The following LRP8 variants were observed in gnomAD, a reference collection of about 807,000 sequenced individuals.
The protein encoded by LRP8 is LDL receptor related protein 8, also known as low-density lipoprotein receptor-related protein 8.
In LRP8, 46 loss-of-function variants were observed where a neutral mutation model predicts 111.6. That is an observed-to-expected ratio of 0.41 (90% CI 0.33 to 0.53). The LOEUF (loss-of-function observed/expected upper bound fraction) is 0.53, where lower values mean the gene tolerates loss of function less well. Ranked by LOEUF, LRP8 falls within the 20% of genes least tolerant of loss-of-function variation. The probability of loss-of-function intolerance (pLI) is 0.20; values close to 1 mark genes in which losing one functional copy is unlikely to be tolerated. For synonymous variants in LRP8, 464 were observed against 511.2 expected, an observed-to-expected ratio of 0.91 and a Z score of 1.24; for missense variants, 959 against 1,297.4, an observed-to-expected ratio of 0.74 and a Z score of 4.01.
intron 18 of LRP8, among the ~76,000 whole-genome samples, chr1:53,248,165 A>G (rs1025757159): frequency 1.3e-5 from 2 of 152,246 alleles, no homozygotes; most frequent in African/African-American, 4.8e-5. Flanking sequence ...AACATAAAAT[A>G]GAATCAGACT....
In LRP8 at chr1:53,271,167, C is replaced by T. The variant is rs768595956; in HGVS notation, c.1127-14G>A. 2.1e-5 allele frequency: 34 copies of T among 1,613,838 alleles called. No homozygotes were observed. Among genetic ancestry groups the T allele is most frequent in the Admixed American group, 2.0e-4 (12 of 59,982 alleles). ...ACTCATCAATGTCTGTGGGGAGGAGCAGGAGTCAGAACCAGCAGGAGGATC... is the reference window on the plus strand; with the variant it reads ...ACTCATCAATGTCTGTGGGGAGGAGTAGGAGTCAGAACCAGCAGGAGGATC... On this transcript the variant is annotated splice_polypyrimidine_tract_variant and intron_variant, in intron 7 of 18. Transcript: ENST00000306052.
Position 53,244,681 on chromosome 1 carries a change from C to G in LRP8, c.*2337G>C, listed in dbSNP as rs1407383080. On this transcript the variant is annotated 3_prime_UTR_variant, in exon 19 of 19. Transcript: ENST00000306052. ...TCAGGCTGTATGTCCAGACCCCATTCATCATTTTTTTCTGTGAATGCCAGG... is the reference window on the plus strand; with the variant it reads ...TCAGGCTGTATGTCCAGACCCCATTGATCATTTTTTTCTGTGAATGCCAGG... 1 of 152,192 alleles carries G rather than the reference C, an allele frequency of 6.6e-6. No homozygotes were observed. Among genetic ancestry groups the G allele is most frequent in the East Asian group, 1.9e-4 (1 of 5,196 alleles). 9.4% of individuals were successfully genotyped at this position (152,192 alleles called of 1,614,324 possible). A position where few individuals can be genotyped will look rare whatever the true frequency, so the allele number is the denominator to read the frequency against.
At chr1:53,255,080 C>T (rs1464105466) in intron 16 of LRP8, 37 bp downstream of exon 16, 1 of 1,608,288 alleles carries the variant, frequency 6.2e-7, no homozygotes, top group Non-Finnish European at 8.5e-7. Context: ...TAAGCAGGGT[C>T]TCTCTTTTCT....
At chr1:53,291,766 AT>A (rs1648813874) in intron 2 of LRP8, 1 of 152,236 alleles carries the variant, frequency 6.6e-6, no homozygotes, top group Admixed American at 6.5e-5. Flanking sequence ...AGTCAGAGAC[AT>A]TAGATAAATG....
chr1:53,263,960 G>A lies in LRP8; in HGVS notation c.1655+209C>T, dbSNP rs59349682. On this transcript the variant is annotated intron_variant, in intron 10 of 18. Coordinates refer to ENST00000306052, the MANE Select transcript of LRP8 (RefSeq NM_004631.5). ...CTGCTCTGAGACACTCCAATTCTAC[G>A]ATATAACGAGTGGGTGGGAGAGTCC... 2.7e-3 allele frequency among the ~76,000 whole-genome samples: 406 copies of A among 152,258 alleles called. 3 individuals carry two copies. Among genetic ancestry groups the A allele is most frequent in the African/African-American group, 9.4e-3 (390 of 41,538 alleles).
intron 2 of LRP8, among the ~76,000 whole-genome samples, chr1:53,304,368 C>T (rs988519783): frequency 2.0e-5 from 3 of 152,182 alleles, no homozygotes; most frequent in South Asian, 4.1e-4. Context: ...CACTGGACTG[C>T]TTGGCAAATG....
At chr1:53,302,891 A>C (rs1651245119) in intron 2 of LRP8, among the ~76,000 whole-genome samples, 1 of 113,588 alleles carries the variant, frequency 8.8e-6, no homozygotes, top group Admixed American at 1.1e-4. Context: ...TTGTAGAGAC[A>C]GTTTCATCAT....
At chr1:53,289,015 T>C (rs1000161433) in intron 3 of LRP8, among the ~76,000 whole-genome samples, 1 of 152,154 alleles carries the variant, frequency 6.6e-6, no homozygotes, top group East Asian at 1.9e-4. Context: ...GCTCCTAGGC[T>C]CAGCCCACCC....
At chr1:53,304,700 C>T (rs1253608356) in intron 2 of LRP8, 1 of 152,388 alleles carries the variant, frequency 6.6e-6, no homozygotes, top group Non-Finnish European at 1.5e-5. Flanking sequence ...CTGGCCGGGA[C>T]CACCCACCCA....
chr1:53,303,327 G>A lies in LRP8; in HGVS notation c.245-13638C>T, dbSNP rs1278226238. Among the ~76,000 whole-genome samples the A allele has an allele frequency of 1.3e-5, 2 of 152,208 alleles. No homozygotes were observed. Among genetic ancestry groups the A allele is most frequent in the African/African-American group, 4.8e-5 (2 of 41,454 alleles). ...CCAGTCCTCACAGGGCCTGTGGGAG[G>A]CTCTGGTGGAGCCAAGGGGGCTGCA... is the stretch of plus-strand genomic sequence containing the variant. On this transcript the variant is annotated intron_variant, in intron 2 of 18. Transcript: ENST00000306052. This position sits in a 1 kb window ranked among gnomAD's most constrained non-coding sequence, Gnocchi z 4.3.
chr1:53,289,370 A>G, intron 3 of LRP8, 197 bp downstream of exon 3: 1 of 640,390 alleles, frequency 1.6e-6, no homozygotes. Flanking sequence ...GGTCCAACCT[A>G]CAAGAGGGCT....
rs571060236 is a variant in LRP8 at position 53,298,213 on chromosome 1, A to G, written c.245-8524T>C. Among the ~76,000 whole-genome samples, 23 of 152,358 alleles carry G rather than the reference A, an allele frequency of 1.5e-4. No homozygotes were observed. In the South Asian group the frequency reaches 4.6e-3, roughly 30 times the overall value. ...CCCCACTGTCACCAAGGGAGGCCCA[A>G]GCCCTTGCTGGGGTATGTAGGCCTC... On this transcript the variant is annotated intron_variant, in intron 2 of 18. Coordinates refer to ENST00000306052, the MANE Select transcript of LRP8 (RefSeq NM_004631.5).
At chr1:53,296,250 C>A (rs1480607258) in intron 2 of LRP8, among the ~76,000 whole-genome samples, 1 of 152,194 alleles carries the variant, frequency 6.6e-6, no homozygotes, top group African/African-American at 2.4e-5. Flanking sequence ...GAGCAGCGAC[C>A]CCTAAGAAAG....
chr1:53,253,041 T>G (rs1645947732), intron 16 of LRP8, among the ~76,000 whole-genome samples: 2 of 152,152 alleles, frequency 1.3e-5, no homozygotes, highest in South Asian at 4.1e-4. Context: ...AATGATGGTT[T>G]TGGGGAAACT....
In LRP8 at chr1:53,317,159, G is replaced by A. The variant is rs796075664; in HGVS notation, c.244+9714C>T. 2.6e-5 allele frequency among the ~76,000 whole-genome samples: 4 copies of A among 152,220 alleles called. No individual in the cohort carries two copies. Among genetic ancestry groups the A allele is most frequent in the African/African-American group, 9.6e-5 (4 of 41,516 alleles). ...GATGGCGGCTCAGGGTCCAGGAAGT[G>A]GGGGAGGGAGGGAGGGGAGGAGTGC... On this transcript the variant is annotated intron_variant, in intron 2 of 18. Coordinates refer to ENST00000306052, the MANE Select transcript of LRP8 (RefSeq NM_004631.5). The surrounding 1 kb of genome is among the most constrained non-coding windows in gnomAD (Gnocchi z 4.9).
At position 53,262,653 on chromosome 1, in the gene LRP8, G is replaced by T; in HGVS notation, c.1656-89C>A. Reference sequence around the variant, plus strand: ...CAAGAGCTCAATAACCCATTGACTAGTTGTGGTTTATGTTTAGTAGGGACT... The same window carrying T: ...CAAGAGCTCAATAACCCATTGACTATTTGTGGTTTATGTTTAGTAGGGACT... On this transcript the variant is annotated intron_variant, in intron 10 of 18. Transcript: ENST00000306052. The surrounding 1 kb of genome is among the most constrained non-coding windows in gnomAD (Gnocchi z 4.8). The T allele has an allele frequency of 2.0e-6, 2 of 1,003,420 alleles. No individual in the cohort carries two copies. Among genetic ancestry groups the T allele is most frequent in the African/African-American group, 1.6e-5 (1 of 63,552 alleles). 62.2% of individuals were successfully genotyped at this position (1,003,420 alleles called of 1,614,324 possible). A position where few individuals can be genotyped will look rare whatever the true frequency, so the allele number is the denominator to read the frequency against.
Position 53,246,300 on chromosome 1 carries a change from T to C in LRP8, c.*718A>G, listed in dbSNP as rs1246965797. 2 of 152,336 alleles carry C rather than the reference T, an allele frequency of 1.3e-5. No individual in the cohort carries two copies. Among genetic ancestry groups the C allele is most frequent in the South Asian group, 2.1e-4 (1 of 4,832 alleles). The allele number at this position is 152,336 out of a possible 1,614,324, so 9.4% of individuals were successfully genotyped here. On this transcript the variant is annotated 3_prime_UTR_variant, in exon 19 of 19. Coordinates refer to ENST00000306052, the MANE Select transcript of LRP8 (RefSeq NM_004631.5). ...AGGCTTTTCTGAAAACTACAAGATA[T>C]ACCCCTTGTGGACTGTGTGAAAATA...
rs79960258 is a variant in LRP8, at chr1:53,314,721, C to G, written c.244+12152G>C. ...GCATTGGACCCCCTGACCTCCACCC[C>G]ACTAGGCTGCTGAGGAAACTCCTGC... On this transcript the variant is annotated intron_variant, in intron 2 of 18. Transcript: ENST00000306052. Among the ~76,000 whole-genome samples the G allele has an allele frequency of 1.9e-3, 289 of 152,322 alleles. 1 individual carries two copies. The highest frequency in any genetic ancestry group is 3.6e-3 in the Non-Finnish European group (243 of 68,016).
intron 2 of LRP8, among the ~76,000 whole-genome samples, chr1:53,296,737 G>A (rs1233709447): frequency 1.3e-5 from 2 of 152,234 alleles, no homozygotes; most frequent in Non-Finnish European, 2.9e-5. Context: ...GCAGTAATGA[G>A]AGGGGGAGGA....
Sources: gnomAD v4.1 joint callset for allele counts (sites outside exome capture counted in the v4.1 genomes callset) on GRCh38, gnomAD v4.1.1 for gene constraint, Gnocchi (gnomAD v3.1) non-coding constraint, MANE v1.5 for transcripts, NCBI Gene and HGNC (gene_info 2026-07-23, HGNC 2026-07-21) for gene names.